The following UGT1A5 variants were observed in gnomAD, a reference collection of about 807,000 sequenced individuals.
UGT1A5 encodes the protein UDP glucuronosyltransferase family 1 member A5, also known as UDP-glucuronosyltransferase 1A5.
UGT1A5 carries 29 observed loss-of-function variants against 40.3 expected under a neutral mutation model. The observed-to-expected ratio is 0.72, with a 90% CI of 0.54 to 0.98. The LOEUF (loss-of-function observed/expected upper bound fraction) is 0.98, where lower values mean the gene tolerates loss of function less well. Among genes scored for constraint, UGT1A5 ranks in the 50% least tolerant of loss-of-function variants. The pLI is 0.00. For missense variants in UGT1A5, 678 were observed against 677.9 expected, an observed-to-expected ratio of 1.00 and a Z score of 0.00; for synonymous variants, 257 against 262.5, an observed-to-expected ratio of 0.98 and a Z score of 0.20.
intron 1 of UGT1A5, among the ~76,000 whole-genome samples, chr2:233,723,234 T>C (rs1308152593): frequency 3.2e-4 from 38 of 117,916 alleles, no homozygotes; most frequent in African/African-American, 1.4e-3. Context: ...TTTTTTGAGT[T>C]GGAGTCCTGC....
chr2:233,769,644 G>T lies in UGT1A5; in HGVS notation c.1307+1205G>T. The T allele has an allele frequency of 1.2e-6, 2 of 1,608,952 alleles. No homozygotes were observed. Among genetic ancestry groups the T allele is most frequent in the South Asian group, 2.2e-5 (2 of 90,446 alleles). On this transcript the variant is annotated intron_variant, in intron 4 of 4. Transcript: ENST00000373414. This position sits in a 1 kb window ranked among gnomAD's most constrained non-coding sequence, Gnocchi z 4.4. The stretch of plus-strand genomic sequence containing the variant: ...CAAGGGACAACAGGGGAGGACTGAT[G>T]ACTGACTTCCCACCTTTGAGGTGCT...
chr2:233,725,092 C>T (rs1421040680), intron 1 of UGT1A5, among the ~76,000 whole-genome samples: 3 of 144,372 alleles, frequency 2.1e-5, no homozygotes, highest in African/African-American at 7.9e-5. Flanking sequence ...CAGGCTGAGG[C>T]AGGAGAATCA....
chr2:233,755,373 C>T (rs534555830), intron 1 of UGT1A5: 63 of 357,550 alleles, frequency 1.8e-4, no homozygotes, highest in Non-Finnish European at 2.9e-4. Flanking sequence ...GCCTGGAGGG[C>T]CGCCCCTTAT....
At chr2:233,730,371 T>C (rs1375924319) in intron 1 of UGT1A5, among the ~76,000 whole-genome samples, 1 of 152,196 alleles carries the variant, frequency 6.6e-6, no homozygotes, top group Non-Finnish European at 1.5e-5. Flanking sequence ...AGCATGATTT[T>C]CAGGGGAAAG....
chr2:233,713,274 G>A lies in UGT1A5; in HGVS notation c.283G>A (p.Gly95Ser). 6.2e-7 allele frequency: 1 copy of A among 1,614,182 alleles called. No homozygotes were observed. Among genetic ancestry groups the A allele is most frequent in the Non-Finnish European group, 8.5e-7 (1 of 1,180,022 alleles). The change falls in exon 1 of 5, where the codon GGT (glycine) becomes AGT (serine). Residue 95 changes from glycine to serine, a missense_variant. Coordinates refer to ENST00000373414, the MANE Select transcript of UGT1A5 (RefSeq NM_019078.2). ...GGACGAATTTGATCGCCTTTTGCTG[G>A]GTCACACTCAATCGTTCTTTGAAAC... ...TQDEFDRLLLGHTQSFFETEH... is the reference protein window; with the variant it reads ...TQDEFDRLLLSHTQSFFETEH...
At chr2:233,735,658 T>C (rs948195085) in intron 1 of UGT1A5, among the ~76,000 whole-genome samples, 2 of 152,230 alleles carry the variant, frequency 1.3e-5, no homozygotes, top group African/African-American at 2.4e-5. Flanking sequence ...CTGGTGTTTC[T>C]TTCCATGTTT....
Position 233,713,559 on chromosome 2 carries a change from C to A in UGT1A5, c.568C>A (p.Pro190Thr), listed in dbSNP as rs2076330071. The change falls in exon 1 of 5, where the codon CCT (proline) becomes ACT (threonine). Residue 190 changes from proline (P) to threonine (T), a missense_variant. Transcript: ENST00000373414. Reference protein sequence around the residue: ...LDFKGTQCPNPSSYIPRLLTT... With the variant: ...LDFKGTQCPNTSSYIPRLLTT... ...CTTTAAGGGCACACAGTGTCCAAAC[C>A]CTTCCTCCTATATTCCTAGATTACT... 6.2e-7 allele frequency: 1 copy of A among 1,613,946 alleles called. No homozygotes were observed. Among genetic ancestry groups the A allele is most frequent in the Non-Finnish European group, 8.5e-7 (1 of 1,179,850 alleles).
chr2:233,748,386 G>A (rs562746713), intron 1 of UGT1A5, among the ~76,000 whole-genome samples: 1 of 151,878 alleles, frequency 6.6e-6, no homozygotes, highest in African/African-American at 2.4e-5. Context: ...GTCCTTCATT[G>A]GGAAGGAGCA....
chr2:233,729,491 T>C, intron 1 of UGT1A5: 1 of 1,614,228 alleles, frequency 6.2e-7, no homozygotes, highest in Non-Finnish European at 8.5e-7. Context: ...AATATGTCTT[T>C]GGTCTATCAT....
At chr2:233,757,537 T>TAAATATACATATAC (rs1696591664) in intron 1 of UGT1A5, among the ~76,000 whole-genome samples, 2 of 107,778 alleles carry the variant, frequency 1.9e-5, no homozygotes, top group African/African-American at 9.3e-5. Context: ...CTGTAAGGAA[T>TAAATATACATATAC]ATATATATAT....
At chr2:233,728,549 A>T (rs966013125) in intron 1 of UGT1A5, among the ~76,000 whole-genome samples, 3 of 152,184 alleles carry the variant, frequency 2.0e-5, no homozygotes, top group Non-Finnish European at 4.4e-5. Context: ...GTCCTCTCTG[A>T]TCCTTACAAG....
chr2:233,729,493 G>A, intron 1 of UGT1A5: 5 of 1,614,180 alleles, frequency 3.1e-6, no homozygotes, highest in Non-Finnish European at 4.2e-6. Context: ...TATGTCTTTG[G>A]TCTATCATAG....
chr2:233,741,588 A>G (rs1403330194), intron 1 of UGT1A5: 1 of 151,778 alleles, frequency 6.6e-6, no homozygotes, highest in Non-Finnish European at 1.5e-5. Context: ...GGCACCTCGG[A>G]GCATGTTGAT....
intron 1 of UGT1A5, among the ~76,000 whole-genome samples, chr2:233,738,330 C>T (rs1690764718): frequency 6.6e-6 from 1 of 152,132 alleles, no homozygotes; most frequent in Admixed American, 6.5e-5. Context: ...TGGACTAATA[C>T]AGTAAATTGG....
At chr2:233,717,850 A>G (rs2076611258) in intron 1 of UGT1A5, 2 of 454,974 alleles carry the variant, frequency 4.4e-6, no homozygotes, top group African/African-American at 4.0e-5. Flanking sequence ...TCTTATCAGA[A>G]CTTGGTGCTG....
chr2:233,773,246 T>C lies in UGT1A5; in HGVS notation c.*687T>C, dbSNP rs1484380021. 6.6e-6 allele frequency: 1 copy of C among 152,366 alleles called. No homozygotes were observed. The highest frequency in any genetic ancestry group is 6.5e-5 in the Admixed American group (1 of 15,284). The allele number at this position is 152,366 out of a possible 1,614,324, so 9.4% of individuals were successfully genotyped here. The stretch of plus-strand genomic sequence containing the variant: ...TATGAAGTGCTGGGCAAGTTTACTT[T>C]TTTTCTGATGTTTCCTACAACTAAA... On this transcript the variant is annotated 3_prime_UTR_variant, in exon 5 of 5. Coordinates refer to ENST00000373414, the MANE Select transcript of UGT1A5 (RefSeq NM_019078.2).
At chr2:233,743,542 C>A in intron 1 of UGT1A5, 1 of 1,364,376 alleles carries the variant, frequency 7.3e-7, no homozygotes, top group Non-Finnish European at 9.8e-7. Flanking sequence ...GTTCCTCTGA[C>A]CCCCCCAAAA....
chr2:233,731,334 T>C (rs1331182525), intron 1 of UGT1A5, among the ~76,000 whole-genome samples: 1 of 151,782 alleles, frequency 6.6e-6, no homozygotes, highest in African/African-American at 2.4e-5. Context: ...TGTGCACAAA[T>C]TGCAGGTTTG....
At chr2:233,761,183 A>C in intron 1 of UGT1A5, 1 of 1,614,192 alleles carries the variant, frequency 6.2e-7, no homozygotes, top group East Asian at 2.2e-5. Flanking sequence ...TTACATGCGT[A>C]TATTCTTTCA....
Sources: gnomAD v4.1 joint callset for allele counts (sites outside exome capture counted in the v4.1 genomes callset) on GRCh38, gnomAD v4.1.1 for gene constraint, Gnocchi (gnomAD v3.1) non-coding constraint, MANE v1.5 for transcripts, NCBI Gene and HGNC (gene_info 2026-07-23, HGNC 2026-07-21) for gene names.